TRIM33: variants seen among roughly 807,000 people sequenced by gnomAD.
The protein encoded by TRIM33 is tripartite motif containing 33.
In TRIM33, 20 loss-of-function variants were observed where a neutral mutation model predicts 125.4. That is an observed-to-expected ratio of 0.16 (90% CI 0.11 to 0.23). TRIM33 has a LOEUF of 0.23. Ranked by LOEUF, TRIM33 falls within the 10% of genes least tolerant of loss-of-function variation. TRIM33 has a pLI of 1.00. For missense variants in TRIM33, 920 were observed against 1,411.4 expected (o/e 0.65, Z 5.58); for synonymous variants, 564 against 513.9 (o/e 1.10, Z -1.32).
At chr1:114,486,560 A>C (rs561840429) in intron 1 of TRIM33, among the ~76,000 whole-genome samples, 7 of 150,724 alleles carry the variant, frequency 4.6e-5, no homozygotes, top group Non-Finnish European at 1.0e-4. Flanking sequence ...AAAAAAAAAA[A>C]AAAAAACCCA....
chr1:114,488,127 A>T (rs1194238598), intron 1 of TRIM33, among the ~76,000 whole-genome samples: 1 of 152,156 alleles, frequency 6.6e-6, no homozygotes, highest in East Asian at 1.9e-4. Context: ...GTCAATACAA[A>T]GACTTTAAGT....
intron 1 of TRIM33, among the ~76,000 whole-genome samples, chr1:114,509,308 AT>A (rs1347644642): frequency 6.6e-6 from 1 of 152,172 alleles, no homozygotes; most frequent in Non-Finnish European, 1.5e-5. Context: ...TGAAATTTTA[AT>A]TTTTTTCATT....
chr1:114,471,344 G>A (rs1650638173), intron 1 of TRIM33, among the ~76,000 whole-genome samples: 1 of 151,976 alleles, frequency 6.6e-6, no homozygotes, highest in Non-Finnish European at 1.5e-5. Context: ...GGGAGGCTGA[G>A]GCAGGAGAAC....
intron 4 of TRIM33, among the ~76,000 whole-genome samples, chr1:114,437,088 T>C (rs1648356379): frequency 6.6e-6 from 1 of 152,200 alleles, no homozygotes; most frequent in South Asian, 2.1e-4. Context: ...CAAATTCCCC[T>C]TATCCCAAAA....
At chr1:114,407,770 TA>T (rs1652339913) in intron 13 of TRIM33, among the ~76,000 whole-genome samples, 1 of 152,034 alleles carries the variant, frequency 6.6e-6, no homozygotes, top group Non-Finnish European at 1.5e-5. Flanking sequence ...GTAATAACAA[TA>T]AAACTGTCAC....
intron 18 of TRIM33, among the ~76,000 whole-genome samples, chr1:114,398,898 C>CA (rs372853872): frequency 0.042 from 2,542 of 60,422 alleles, 40 homozygotes; most frequent in Admixed American, 0.049. Context: ...AACTTACCCT[C>CA]AAAAAAAAAA....
At position 114,405,336 on chromosome 1, in the gene TRIM33, G is replaced by A. The variant is rs150689232; in HGVS notation, c.2768+74C>T. ...CTATGCACTGGTTAGAAGGCCATCT[G>A]CCCTGAACATTCTTCTGTTATTTAT... is the stretch of plus-strand genomic sequence containing the variant. On this transcript the variant is annotated intron_variant, in intron 15 of 19. Transcript: ENST00000358465. 3.8e-3 allele frequency: 4,474 copies of A among 1,189,532 alleles called. 17 individuals carry two copies. The highest frequency in any genetic ancestry group is 5.0e-3 in the Admixed American group (250 of 49,664). The allele number at this position is 1,189,532 out of a possible 1,614,324, so 73.7% of individuals were successfully genotyped here.
At chr1:114,492,861 GCA>G (rs1652153429) in intron 1 of TRIM33, among the ~76,000 whole-genome samples, 1 of 152,160 alleles carries the variant, frequency 6.6e-6, no homozygotes, top group African/African-American at 2.4e-5. Flanking sequence ...GAATAATGCT[GCA>G]ATTAATACTG....
At chr1:114,492,431 T>C (rs766827674) in intron 1 of TRIM33, among the ~76,000 whole-genome samples, 2 of 152,216 alleles carry the variant, frequency 1.3e-5, no homozygotes, top group Non-Finnish European at 2.9e-5. Context: ...GTATGTTATA[T>C]GGCATTAACT....
chr1:114,433,594 T>C lies in TRIM33; in HGVS notation c.1040+23A>G, dbSNP rs1227805446. ...TTCTTTTTAGTAATTCTTAAAATTA[T>C]GGTTTTAAGGCAACAAACTTACCTA... is the stretch of plus-strand genomic sequence containing the variant. On this transcript the variant is annotated intron_variant, in intron 5 of 19. Transcript: ENST00000358465. 7 of 1,387,360 alleles carry C rather than the reference T, an allele frequency of 5.0e-6. No homozygotes were observed. The South Asian group carries it at 6.4e-5, about 13-fold the overall frequency. The allele number at this position is 1,387,360 out of a possible 1,614,324, so 85.9% of individuals were successfully genotyped here.
At chr1:114,430,978 C>G in intron 5 of TRIM33, 66 bp from the exon 6 acceptor site, 1 of 920,564 alleles carries the variant, frequency 1.1e-6, no homozygotes, top group Non-Finnish European at 1.8e-6. Flanking sequence ...TCAACTGTTA[C>G]AGAAATTCAT....
At chr1:114,490,077 T>C (rs1570656433) in intron 1 of TRIM33, among the ~76,000 whole-genome samples, 1 of 88,506 alleles carries the variant, frequency 1.1e-5, no homozygotes, top group African/African-American at 5.1e-5. Context: ...AGAGCGAGAC[T>C]CCGTCTCAAA....
chr1:114,440,731 C>G (rs1648600983), intron 4 of TRIM33, among the ~76,000 whole-genome samples: 1 of 152,060 alleles, frequency 6.6e-6, no homozygotes, highest in African/African-American at 2.4e-5. Context: ...AGAAAAGTGT[C>G]TCCCTGTTTT....
Position 114,415,611 on chromosome 1 carries a change from C to T in TRIM33, c.2062-5295G>A, listed in dbSNP as rs1223586768. Among the ~76,000 whole-genome samples the T allele has an allele frequency of 2.0e-5, 3 of 152,106 alleles. No homozygotes were observed. In the East Asian group the frequency reaches 5.8e-4, roughly 29 times the overall value. On this transcript the variant is annotated intron_variant, in intron 11 of 19. Transcript: ENST00000358465. ...CTCTATTCTTTCACTGTCATCTATA[C>T]ACATCCATTTGTACCAATAAGCTCA...
intron 1 of TRIM33, among the ~76,000 whole-genome samples, chr1:114,498,877 G>A (rs961383932): frequency 6.6e-6 from 1 of 151,834 alleles, no homozygotes; most frequent in East Asian, 1.9e-4. Context: ...AAGATTACAA[G>A]ACTAAATGAA....
intron 1 of TRIM33, among the ~76,000 whole-genome samples, chr1:114,488,795 T>C (rs1446977716): frequency 6.6e-6 from 1 of 151,662 alleles, no homozygotes; most frequent in African/African-American, 2.4e-5. Context: ...ATTCAAGGGA[T>C]CCAGAAGAAC....
chr1:114,480,845 T>A (rs1325256511), intron 1 of TRIM33, among the ~76,000 whole-genome samples: 1 of 151,730 alleles, frequency 6.6e-6, no homozygotes, highest in Non-Finnish European at 1.5e-5. Context: ...GAAGATAAAA[T>A]CATGAATAAA....
chr1:114,419,200 C>CAAA (rs35757503), intron 11 of TRIM33, among the ~76,000 whole-genome samples: 104 of 54,180 alleles, frequency 1.9e-3, no homozygotes, highest in Non-Finnish European at 2.5e-3. Context: ...GACACCATCT[C>CAAA]AAAAAAAAAA....
At position 114,499,698 on chromosome 1, in the gene TRIM33, G is replaced by A. The variant is rs569457202; in HGVS notation, c.526+10853C>T. Reference sequence around the variant, plus strand: ...AGGCTTGTTCCCTAAAACCAGTCTGGCAGATTTCATAAAGCCCTAGTGAAC... The same window carrying A: ...AGGCTTGTTCCCTAAAACCAGTCTGACAGATTTCATAAAGCCCTAGTGAAC... On this transcript the variant is annotated intron_variant, in intron 1 of 19. Coordinates refer to ENST00000358465, the MANE Select transcript of TRIM33 (RefSeq NM_015906.4). Among the ~76,000 whole-genome samples, 5 of 152,216 alleles carry A rather than the reference G, an allele frequency of 3.3e-5. No individual in the cohort carries two copies. The South Asian group carries it at 1.0e-3, about 32-fold the overall frequency.
Sources: allele counts gnomAD v4.1 joint callset (sites outside exome capture counted in the v4.1 genomes callset), GRCh38; gene constraint gnomAD v4.1.1; transcripts MANE v1.5; gene names NCBI Gene and HGNC (gene_info 2026-07-23, HGNC 2026-07-21).